PRKG1: variants seen among roughly 807,000 people sequenced by gnomAD.
The protein encoded by PRKG1 is cGMP-dependent protein kinase 1.
A neutral mutation model predicts 88.1 loss-of-function variants in PRKG1; 35 were observed. The observed-to-expected ratio is 0.40, with a 90% CI of 0.30 to 0.53. The LOEUF is 0.53. Ranked by LOEUF, PRKG1 falls within the 20% of genes least tolerant of loss-of-function variation. The pLI is 0.59. For missense variants in PRKG1, 540 were observed against 839.8 expected (o/e 0.64, Z 4.41); for synonymous variants, 303 against 292.5 (o/e 1.04, Z -0.37).
intron 5 of PRKG1, among the ~76,000 whole-genome samples, chr10:51,954,328 T>C (rs1843253799): frequency 6.6e-6 from 1 of 152,186 alleles, no homozygotes; most frequent in Non-Finnish European, 1.5e-5. Context: ...TCTTTGCTTT[T>C]CTGATTTTGC....
chr10:51,061,973 T>C (rs1843696984), intron 1 of PRKG1, among the ~76,000 whole-genome samples: 1 of 152,236 alleles, frequency 6.6e-6, no homozygotes. Context: ...TTTCCCAGTT[T>C]TAGGTTATGG....
intron 7 of PRKG1, among the ~76,000 whole-genome samples, chr10:52,066,686 A>G (rs1316466740): frequency 6.6e-6 from 1 of 152,242 alleles, no homozygotes; most frequent in African/African-American, 2.4e-5. Context: ...ACTGAACTCC[A>G]GCTTGCTGCT....
chr10:51,338,520 A>G (rs888911873), intron 2 of PRKG1, among the ~76,000 whole-genome samples: 1 of 152,216 alleles, frequency 6.6e-6, no homozygotes, highest in Non-Finnish European at 1.5e-5. Context: ...ATAGCTAGTT[A>G]TGAGATAGAT....
At chr10:52,003,531 C>A (rs1255044583) in intron 5 of PRKG1, among the ~76,000 whole-genome samples, 1 of 152,270 alleles carries the variant, frequency 6.6e-6, no homozygotes, top group East Asian at 1.9e-4. Context: ...CCTTTTCTTG[C>A]CCCTCCCAAC....
chr10:51,957,873 G>A (rs1843351730), intron 5 of PRKG1, among the ~76,000 whole-genome samples: 1 of 152,106 alleles, frequency 6.6e-6, no homozygotes, highest in Non-Finnish European at 1.5e-5. Context: ...TAGTCTGTAA[G>A]CTATCTGAAG....
At chr10:51,288,919 G>A (rs1284456697) in intron 2 of PRKG1, among the ~76,000 whole-genome samples, 4 of 152,000 alleles carry the variant, frequency 2.6e-5, no homozygotes, top group African/African-American at 4.8e-5. Flanking sequence ...TGTGTTGCAT[G>A]CATGATTATG....
chr10:52,270,958 C>T (rs181578818), intron 10 of PRKG1, among the ~76,000 whole-genome samples: 2 of 151,968 alleles, frequency 1.3e-5, no homozygotes, highest in Non-Finnish European at 1.5e-5. Context: ...GCCCATATAA[C>T]CCTATTTTTG....
intron 2 of PRKG1, among the ~76,000 whole-genome samples, chr10:51,326,671 C>T (rs567942773): frequency 2.0e-5 from 3 of 152,204 alleles, no homozygotes; most frequent in Non-Finnish European, 4.4e-5. Context: ...TTACTTTCAA[C>T]ATAACGATTT....
At chr10:51,598,348 A>G (rs1008682050) in intron 3 of PRKG1, among the ~76,000 whole-genome samples, 3 of 152,144 alleles carry the variant, frequency 2.0e-5, no homozygotes, top group South Asian at 2.1e-4. Context: ...ATATCAGCCC[A>G]CTGCAACCTC....
chr10:51,721,628 C>T (rs527258845), intron 3 of PRKG1, among the ~76,000 whole-genome samples: 1 of 152,184 alleles, frequency 6.6e-6, no homozygotes, highest in Non-Finnish European at 1.5e-5. Context: ...GGCTCACACT[C>T]TCTGATACCA....
At chr10:52,125,111 A>G (rs968798336) in intron 7 of PRKG1, among the ~76,000 whole-genome samples, 2 of 152,216 alleles carry the variant, frequency 1.3e-5, no homozygotes, top group Non-Finnish European at 2.9e-5. Context: ...CTAGTAACAC[A>G]GTCATTTATT....
intron 3 of PRKG1, among the ~76,000 whole-genome samples, chr10:51,653,183 A>G (rs1840082351): frequency 6.6e-6 from 1 of 151,310 alleles, no homozygotes; most frequent in African/African-American, 2.4e-5. Context: ...GAGTGTAGAT[A>G]TGTTTTCTAC....
chr10:52,184,621 A>G (rs1048557801), intron 9 of PRKG1: 1 of 152,156 alleles, frequency 6.6e-6, no homozygotes, highest in African/African-American at 2.4e-5. Flanking sequence ...TTATGTTACT[A>G]TCAAGAACTA....
At chr10:51,903,327 A>C (rs2061662717) in intron 4 of PRKG1, among the ~76,000 whole-genome samples, 1 of 152,166 alleles carries the variant, frequency 6.6e-6, no homozygotes, top group Non-Finnish European at 1.5e-5. Flanking sequence ...TTGAATGTGG[A>C]ATAAATACTA....
chr10:51,312,267 G>T (rs1192248537), intron 2 of PRKG1, among the ~76,000 whole-genome samples: 2 of 152,110 alleles, frequency 1.3e-5, no homozygotes, highest in African/African-American at 4.8e-5. Context: ...ATCTTTCTTA[G>T]AATATGGTCA....
chr10:51,396,003 C>G (rs7917480), intron 2 of PRKG1, among the ~76,000 whole-genome samples: 1 of 152,126 alleles, frequency 6.6e-6, no homozygotes, highest in Non-Finnish European at 1.5e-5. Context: ...ATTTTAATGG[C>G]ATAAAATGCT....
chr10:51,281,753 C>G (rs543522777), intron 2 of PRKG1, among the ~76,000 whole-genome samples: 1 of 152,096 alleles, frequency 6.6e-6, no homozygotes, highest in Non-Finnish European at 1.5e-5. Flanking sequence ...GGGGCAGTGA[C>G]AAGCAGGGAT....
At position 51,084,732 on chromosome 10, in the gene PRKG1, C is replaced by T. The variant is rs35872988; in HGVS notation, c.311+9831C>T. Among the ~76,000 whole-genome samples, 326 of 152,144 alleles carry T rather than the reference C, an allele frequency of 2.1e-3. 1 individual carries two copies. Among genetic ancestry groups the T allele is most frequent in the African/African-American group, 7.5e-3 (312 of 41,530 alleles). On this transcript the variant is annotated intron_variant, in intron 1 of 17. Coordinates refer to ENST00000373980, the MANE Select transcript of PRKG1 (RefSeq NM_006258.4). ...TAGTGTCATTTTCTCACTTTTAGAC[C>T]CTACCTACTGTTAAGAAGTAACATT...
chr10:51,620,270 A>G (rs1240890857), intron 3 of PRKG1, among the ~76,000 whole-genome samples: 2 of 152,162 alleles, frequency 1.3e-5, no homozygotes, highest in Non-Finnish European at 2.9e-5. Context: ...TTTCCCCTAG[A>G]TTAACTTGTA....
Sources: gnomAD v4.1 joint callset for allele counts (sites outside exome capture counted in the v4.1 genomes callset) on GRCh38, gnomAD v4.1.1 for gene constraint, MANE v1.5 for transcripts, NCBI Gene and HGNC (gene_info 2026-07-23, HGNC 2026-07-21) for gene names.